NUP188: variants seen among roughly 807,000 people sequenced by gnomAD.
NUP188 encodes nucleoporin NUP188.
NUP188 carries 97 observed loss-of-function variants against 223.0 expected under a neutral mutation model. That is an observed-to-expected ratio of 0.43 (90% CI 0.37 to 0.51). The LOEUF is 0.51. Ranked by LOEUF, NUP188 falls within the 20% of genes least tolerant of loss-of-function variation. The pLI, the probability that NUP188 is intolerant of heterozygous loss-of-function variation, is 0.00. For synonymous variants in NUP188, 869 were observed against 828.0 expected (o/e 1.05, Z -0.85); for missense variants, 1,947 against 2,175.6 (o/e 0.89, Z 2.09).
chr9:129,003,346 T>C lies in NUP188; in HGVS notation c.4326T>C (p.Ser1442=), dbSNP rs748010141. ...QCLNAVRTVQ[S]LACLEEADHT... ...TCAACGCAGTGAGGACAGTGCAGAG[T>C]CTGGCCTGCCTGGAGGAGGCGGACC... The change falls in exon 38 of 44, where the codon AGT becomes AGC. Residue 1442 remains serine (S), a synonymous_variant. Transcript: ENST00000372577. 5 of 1,612,368 alleles carry C rather than the reference T, an allele frequency of 3.1e-6. No homozygotes were observed. The highest frequency in any genetic ancestry group is 1.7e-5 in the Admixed American group (1 of 59,874).
At chr9:128,998,925 C>T (rs1280317938) in intron 32 of NUP188, among the ~76,000 whole-genome samples, 2 of 148,336 alleles carry the variant, frequency 1.3e-5, no homozygotes, top group South Asian at 2.1e-4. Context: ...GGCGCGATCT[C>T]GGCTCACTGC....
rs766307926 is a variant in NUP188 at position 128,981,223 on chromosome 9, T to C, written c.1390-41T>C. On this transcript the variant is annotated intron_variant, in intron 14 of 43. Transcript: ENST00000372577. ...AGACTGTGGGACCTCTCCTTGCTTA[T>C]CCTGGAGGGAAATGTGTGATGGTTT... 4.4e-6 allele frequency: 7 copies of C among 1,605,068 alleles called. No homozygotes were observed. The Admixed American group carries it at 5.1e-5, about 12-fold the overall frequency.
chr9:128,947,937 C>T (rs1841712079), intron 1 of NUP188, 186 bp downstream of exon 1: 1 of 431,172 alleles, frequency 2.3e-6, no homozygotes, highest in Non-Finnish European at 3.9e-6. Context: ...TCTGAAGAGT[C>T]TTCTTCAGGA....
chr9:128,951,576 A>C (rs1564548444), intron 2 of NUP188, among the ~76,000 whole-genome samples: 1 of 152,202 alleles, frequency 6.6e-6, no homozygotes, highest in African/African-American at 2.4e-5. Flanking sequence ...TGGTAAATGA[A>C]TTATGATCTA....
chr9:129,001,834 G>A (rs368015297), intron 35 of NUP188, 50 bp from the exon 36 acceptor site: 16 of 1,593,054 alleles, frequency 1.0e-5, no homozygotes, highest in Non-Finnish European at 6.9e-6. Context: ...CCTACCCTAG[G>A]CAGGGCAGGG....
chr9:129,001,282 A>G (rs1842660151), intron 34 of NUP188, among the ~76,000 whole-genome samples: 1 of 151,680 alleles, frequency 6.6e-6, no homozygotes, highest in African/African-American at 2.4e-5. Context: ...GGTGGGAGGG[A>G]AGAGGCGGGG....
At chr9:128,970,274 C>T (rs907574452) in intron 10 of NUP188, among the ~76,000 whole-genome samples, 5 of 152,048 alleles carry the variant, frequency 3.3e-5, no homozygotes, top group Admixed American at 6.6e-5. Context: ...ATCTCAGGTT[C>T]GTCAGTCATC....
chr9:128,957,268 T>G (rs1451034370), intron 5 of NUP188, among the ~76,000 whole-genome samples: 2 of 151,846 alleles, frequency 1.3e-5, no homozygotes, highest in Non-Finnish European at 2.9e-5. Flanking sequence ...AGTCCAGGAG[T>G]TTGAGGCTGC....
Position 128,950,684 on chromosome 9 carries a change from T to A in NUP188, c.87+1441T>A, listed in dbSNP as rs566531485. On this transcript the variant is annotated intron_variant, in intron 2 of 43. Transcript: ENST00000372577. ...AGCAAGACCCCGTCTCTACAAAAAA[T>A]TTTTTAAAAAATTAGCCAGGCATGG... Among the ~76,000 whole-genome samples the A allele has an allele frequency of 1.8e-4, 27 of 152,184 alleles. No individual in the cohort carries two copies. The East Asian group carries it at 4.3e-3, about 24-fold the overall frequency.
At chr9:128,996,655 T>A (rs1194608601) in intron 30 of NUP188, among the ~76,000 whole-genome samples, 2 of 152,144 alleles carry the variant, frequency 1.3e-5, no homozygotes, top group Non-Finnish European at 2.9e-5. Context: ...ACTTAAAGGC[T>A]CACCTGTCTT....
In NUP188 at chr9:128,977,814, T is replaced by C. The variant is rs1842201096; in HGVS notation, c.1204-1448T>C. Among the ~76,000 whole-genome samples the C allele has an allele frequency of 1.3e-5, 2 of 151,964 alleles. 1 individual carries two copies. The highest frequency in any genetic ancestry group is 1.3e-4 in the Admixed American group (2 of 15,260). On this transcript the variant is annotated intron_variant, in intron 12 of 43. Transcript: ENST00000372577. The stretch of plus-strand genomic sequence containing the variant: ...ACTTCATCTAAAAAAAAGAAAGACA[T>C]TGTTTTTGCCCTCTAGGAGAGCAGT...
Position 128,956,940 on chromosome 9 carries a change from T to A in NUP188, c.247-12T>A, listed in dbSNP as rs369970089. On this transcript the variant is annotated splice_polypyrimidine_tract_variant and intron_variant, in intron 4 of 43. Transcript: ENST00000372577. The stretch of plus-strand genomic sequence containing the variant: ...TCTGAGCTGTTCCTTACTTAAAATC[T>A]CTGTGTTTCAGGGTCTTGATGAAGA... The A allele has an allele frequency of 1.9e-6, 3 of 1,595,328 alleles. No individual in the cohort carries two copies. In the African/African-American group the frequency reaches 4.0e-5, roughly 21 times the overall value.
intron 28 of NUP188, 133 bp downstream of exon 28, chr9:128,994,575 T>C: frequency 2.7e-6 from 2 of 743,128 alleles, no homozygotes; most frequent in East Asian, 4.9e-5. Context: ...TAGAAACGTC[T>C]TTCTCAGGGA....
chr9:128,964,063 C>T (rs1841993883), intron 8 of NUP188, among the ~76,000 whole-genome samples: 1 of 152,078 alleles, frequency 6.6e-6, no homozygotes, highest in South Asian at 2.1e-4. Flanking sequence ...ATCCACCCGC[C>T]TAGGCCTCCC....
At chr9:128,998,682 T>C in intron 32 of NUP188, 59 bp downstream of exon 32, 2 of 1,373,734 alleles carry the variant, frequency 1.5e-6, no homozygotes, top group Non-Finnish European at 2.1e-6. Context: ...AGTGCCTGCT[T>C]GCCTTCCTGA....
intron 33 of NUP188, 60 bp from the exon 34 acceptor site, chr9:128,999,564 G>T (rs1842600363): frequency 1.2e-5 from 18 of 1,540,784 alleles, no homozygotes; most frequent in South Asian, 1.0e-4. Flanking sequence ...AGGAAACCTT[G>T]GTGTACAGTG....
In NUP188 at chr9:128,999,642, A is replaced by G; in HGVS notation, c.3680A>G (p.Tyr1227Cys). ...KEMKVSDIPQ[Y>C]SQLVLNVCET... Reference sequence around the variant, plus strand: ...TCTACAGTAAGTGACATCCCCCAGTACTCCCAGCTGGTGCTGAATGTCTGT... The same window carrying G: ...TCTACAGTAAGTGACATCCCCCAGTGCTCCCAGCTGGTGCTGAATGTCTGT... The change falls in exon 34 of 44, where the codon TAC becomes TGC. Residue 1227 changes from tyrosine (Y) to cysteine (C), a missense_variant. This residue lies in a region of NUP188 where 905 missense variants were observed against 990.6 expected (regional missense o/e 0.91). Coordinates refer to ENST00000372577, the MANE Select transcript of NUP188 (RefSeq NM_015354.3). 2 of 1,613,572 alleles carry G rather than the reference A, an allele frequency of 1.2e-6. No individual in the cohort carries two copies. Among genetic ancestry groups the G allele is most frequent in the Non-Finnish European group, 1.7e-6 (2 of 1,179,930 alleles).
intron 1 of NUP188, 198 bp downstream of exon 1, chr9:128,947,949 G>C (rs897847032): frequency 1.5e-5 from 6 of 412,092 alleles, no homozygotes; most frequent in Non-Finnish European, 1.7e-5. Context: ...TCTTCAGGAG[G>C]GGGGCCGGCT....
Position 128,956,994 on chromosome 9 carries a change from C to A in NUP188, c.289C>A (p.Leu97Met). 6.2e-7 allele frequency: 1 copy of A among 1,613,268 alleles called. No homozygotes were observed. The highest frequency in any genetic ancestry group is 1.3e-5 in the African/African-American group (1 of 75,006). ...GAGTGTGCAGTTACTCCAGTGTTAC[C>A]TGCAAGAGGACTACAGGGGTACTCG... The part of the protein sequence containing the change: ...EQSVQLLQCY[L>M]QEDYRGTRDS... The change falls in exon 5 of 44, where the codon CTG becomes ATG. Residue 97 changes from leucine (L) to methionine (M), a missense_variant. Transcript: ENST00000372577.
Sources: allele counts gnomAD v4.1 joint callset (sites outside exome capture counted in the v4.1 genomes callset), GRCh38; gene constraint gnomAD v4.1.1; regional missense constraint gnomAD v4.1.1; transcripts MANE v1.5; gene names NCBI Gene and HGNC (gene_info 2026-07-23, HGNC 2026-07-21).